The following PRKCQ variants were observed in gnomAD, a reference collection of about 807,000 sequenced individuals.
The protein encoded by PRKCQ is protein kinase C theta.
A neutral mutation model predicts 91.2 loss-of-function variants in PRKCQ; 41 were observed. The observed-to-expected ratio is 0.45, with a 90% CI of 0.35 to 0.58. PRKCQ has a LOEUF of 0.58. PRKCQ is among the 20% of genes least tolerant of loss of function. The pLI, the probability that PRKCQ is intolerant of heterozygous loss-of-function variation, is 0.00. For synonymous variants in PRKCQ, 307 were observed against 316.9 expected (o/e 0.97, Z 0.33); for missense variants, 673 against 896.5 (o/e 0.75, Z 3.18).
At chr10:6,509,330 C>T (rs923266532) in intron 3 of PRKCQ, among the ~76,000 whole-genome samples, 1 of 152,166 alleles carries the variant, frequency 6.6e-6, no homozygotes, top group African/African-American at 2.4e-5. Flanking sequence ...TCCGACTTAT[C>T]CTTTCATTAA....
At chr10:6,409,366 C>A in the PRKCQ span, among the ~76,000 whole-genome samples, 1 of 152,224 alleles carries the variant, frequency 6.6e-6, no homozygotes, top group Non-Finnish European at 1.5e-5. Context: ...ACGATCTCGG[C>A]TCACTGCAAC....
chr10:6,420,440 A>C, the PRKCQ span, among the ~76,000 whole-genome samples: 1 of 152,270 alleles, frequency 6.6e-6, no homozygotes, highest in East Asian at 1.9e-4. Context: ...CCTTTGTTTC[A>C]GTCAGTCTTC....
chr10:6,396,982 C>T, the PRKCQ span, among the ~76,000 whole-genome samples: 60 of 152,298 alleles, frequency 3.9e-4, no homozygotes, highest in South Asian at 1.0e-3. Flanking sequence ...TCCTAGGGAG[C>T]GAAGTGCCAA....
At position 6,486,046 on chromosome 10, in the gene PRKCQ, T is replaced by C; in HGVS notation, c.889A>G (p.Ser297Gly). The change falls in exon 9 of 18, where the codon AGC becomes GGC. Residue 297 changes from serine (S) to glycine (G), a missense_variant. By Grantham distance (56) the Ser-to-Gly change is moderately conservative. Transcript: ENST00000263125. Reference protein sequence around the residue: ...LMAEALAMIESTQQARCLRDT... With the variant: ...LMAEALAMIEGTQQARCLRDT... The stretch of plus-strand genomic sequence containing the variant: ...GCACATGCTCCTACCTGTTGAGTGC[T>C]CTCAATCATGGCCAGCGCTTCAGCC... 1 of 1,613,868 alleles carries C rather than the reference T, an allele frequency of 6.2e-7. No homozygotes were observed. The highest frequency in any genetic ancestry group is 8.5e-7 in the Non-Finnish European group (1 of 1,179,976).
chr10:6,434,681 AGTTT>A (rs1564290906), intron 16 of PRKCQ, among the ~76,000 whole-genome samples: 1 of 152,300 alleles, frequency 6.6e-6, no homozygotes, highest in South Asian at 2.1e-4. Context: ...ATGTAGTTGA[AGTTT>A]GTTTAAGTTT....
chr10:6,467,170 CAGA>C (rs1358499806), intron 12 of PRKCQ, among the ~76,000 whole-genome samples: 1 of 152,012 alleles, frequency 6.6e-6, no homozygotes. Context: ...AAATACTTCC[CAGA>C]AGAAGCAAAT....
chr10:6,463,986 GA>G (rs575399188), intron 13 of PRKCQ, among the ~76,000 whole-genome samples: 206 of 152,280 alleles, frequency 1.4e-3, no homozygotes, highest in African/African-American at 4.3e-3. Flanking sequence ...CATCCCTGGG[GA>G]CCACCCTTGA....
chr10:6,550,020 CATCTTGCA>C (rs1375201333), intron 1 of PRKCQ, among the ~76,000 whole-genome samples: 1 of 152,138 alleles, frequency 6.6e-6, no homozygotes, highest in Non-Finnish European at 1.5e-5. Flanking sequence ...AGAACTTTTA[CATCTTGCA>C]AGTCTGAAAT....
chr10:6,482,978 C>A (rs1836692411), intron 11 of PRKCQ, among the ~76,000 whole-genome samples: 1 of 152,028 alleles, frequency 6.6e-6, no homozygotes, highest in Non-Finnish European at 1.5e-5. Flanking sequence ...TGGGTGGGGA[C>A]ACAGAGCCGA....
chr10:6,500,420 T>TGTTTATATACATATATGTCTACATATA (rs1837841717), intron 4 of PRKCQ, among the ~76,000 whole-genome samples: 1 of 151,286 alleles, frequency 6.6e-6, no homozygotes, highest in East Asian at 1.9e-4. Context: ...TATACATATA[T>TGTTTATATACATATATGTCTACATATA]GTTTATATAC....
At chr10:6,548,177 A>T (rs1242087154) in intron 1 of PRKCQ, among the ~76,000 whole-genome samples, 4 of 150,662 alleles carry the variant, frequency 2.7e-5, no homozygotes, top group Non-Finnish European at 6.0e-5. Flanking sequence ...TCAAAACCAC[A>T]ATGAGATACC....
At chr10:6,416,774 T>G in the PRKCQ span, among the ~76,000 whole-genome samples, 1 of 152,244 alleles carries the variant, frequency 6.6e-6, no homozygotes, top group East Asian at 1.9e-4. Flanking sequence ...CTTTTGGTTC[T>G]TCAAGGAATC....
intron 1 of PRKCQ, among the ~76,000 whole-genome samples, chr10:6,579,654 T>C (rs1051931853): frequency 2.9e-5 from 3 of 103,954 alleles, no homozygotes; most frequent in Non-Finnish European, 6.9e-5. Flanking sequence ...TTTTTCTTTT[T>C]TTTTTTTTTT....
At chr10:6,549,787 T>C (rs1308516913) in intron 1 of PRKCQ, among the ~76,000 whole-genome samples, 2 of 151,876 alleles carry the variant, frequency 1.3e-5, no homozygotes, top group Admixed American at 6.6e-5. Context: ...TTTGCCACCA[T>C]GCCCGGCTAA....
At chr10:6,511,775 G>A (rs1260717677) in intron 2 of PRKCQ, among the ~76,000 whole-genome samples, 1 of 152,072 alleles carries the variant, frequency 6.6e-6, no homozygotes, top group East Asian at 1.9e-4. Flanking sequence ...TTTTTTGAGA[G>A]GTGTGGGGAT....
chr10:6,478,310 T>C (rs1836383114), intron 12 of PRKCQ, among the ~76,000 whole-genome samples: 1 of 152,166 alleles, frequency 6.6e-6, no homozygotes, highest in Non-Finnish European at 1.5e-5. Context: ...ATATCTTAAG[T>C]GGTGGGATTA....
intron 1 of PRKCQ, chr10:6,515,351 G>C (rs1838708884): frequency 1.4e-6 from 2 of 1,473,690 alleles, no homozygotes; most frequent in African/African-American, 1.4e-5. Flanking sequence ...GCTGAGGGGA[G>C]AGGCTTTCTG....
In PRKCQ at chr10:6,465,096, G is replaced by A. The variant is rs1221771856; in HGVS notation, c.1354-692C>T. 6.6e-6 allele frequency among the ~76,000 whole-genome samples: 1 copy of A among 152,160 alleles called. No individual in the cohort carries two copies. The highest frequency in any genetic ancestry group is 1.5e-5 in the Non-Finnish European group (1 of 68,022). On this transcript the variant is annotated intron_variant, in intron 12 of 17. Coordinates refer to ENST00000263125, the MANE Select transcript of PRKCQ (RefSeq NM_006257.5). This position sits in a 1 kb window ranked among gnomAD's most constrained non-coding sequence, Gnocchi z 4.4. ...AAAGTGACAGGGTGCAGGGTGATAA[G>A]GAGAATGTGTTTTGGTCTCTGACTC...
At chr10:6,476,298 G>A (rs1261198217) in intron 12 of PRKCQ, among the ~76,000 whole-genome samples, 3 of 128,252 alleles carry the variant, frequency 2.3e-5, no homozygotes, top group Non-Finnish European at 3.2e-5. Context: ...CATGAAAACT[G>A]TCATACATGC....
Sources: allele counts gnomAD v4.1 joint callset (sites outside exome capture counted in the v4.1 genomes callset), GRCh38; gene constraint gnomAD v4.1.1; non-coding constraint Gnocchi (gnomAD v3.1); transcripts MANE v1.5; gene names NCBI Gene and HGNC (gene_info 2026-07-23, HGNC 2026-07-21).